The following MTHFS variants were observed in gnomAD, a reference collection of about 807,000 sequenced individuals.
The protein encoded by MTHFS is 5-formyltetrahydrofolate cyclo-ligase.
MTHFS carries 7 observed loss-of-function variants against 12.7 expected under a neutral mutation model. The ratio of observed to expected loss-of-function variants is 0.55; its 90% CI spans 0.31 to 1.03. MTHFS has a LOEUF of 1.03. Ranked by LOEUF, MTHFS falls within the 50% of genes least tolerant of loss-of-function variation. The pLI is 0.05. For synonymous variants in MTHFS, 100 were observed against 97.1 expected (o/e 1.03, Z -0.18); for missense variants, 252 against 258.1 (o/e 0.98, Z 0.16).
chr15:79,889,479 G>T lies in MTHFS; in HGVS notation c.118-125C>A, dbSNP rs556276409. On this transcript the variant is annotated intron_variant, in intron 1 of 2. Coordinates refer to ENST00000258874, the MANE Select transcript of MTHFS (RefSeq NM_006441.4). ...AATATTAAAAAGAAAAAAAAAGGGG[G>T]GGGGACCAGAGTGATATAGTGGGTC... 65 of 1,378,714 alleles carry T rather than the reference G, an allele frequency of 4.7e-5. 2 individuals are homozygous for T. The East Asian group carries it at 7.7e-4, about 16-fold the overall frequency. The allele number at this position is 1,378,714 out of a possible 1,614,324, so 85.4% of individuals were successfully genotyped here.
intron 2 of MTHFS, among the ~76,000 whole-genome samples, chr15:79,846,028 A>G (rs1281489811): frequency 6.6e-6 from 1 of 152,216 alleles, no homozygotes; most frequent in African/African-American, 2.4e-5. Context: ...GAAAGGTACA[A>G]GATGGGGACC....
At chr15:79,886,600 T>C (rs1417396987) in intron 2 of MTHFS, among the ~76,000 whole-genome samples, 1 of 152,218 alleles carries the variant, frequency 6.6e-6, no homozygotes, top group Non-Finnish European at 1.5e-5. Context: ...GGTGGACGTT[T>C]TTCTATTCAG....
At chr15:79,857,251 G>A (rs920940473) in intron 2 of MTHFS, among the ~76,000 whole-genome samples, 2 of 152,004 alleles carry the variant, frequency 1.3e-5, no homozygotes, top group Non-Finnish European at 1.5e-5. Context: ...CACTCACCTC[G>A]GCCTCCCAAA....
intron 2 of MTHFS, among the ~76,000 whole-genome samples, chr15:79,881,301 A>G (rs2034290824): frequency 6.6e-6 from 1 of 152,250 alleles, no homozygotes; most frequent in Admixed American, 6.5e-5. Flanking sequence ...TGAGTAGAAC[A>G]TTTAGCAGGC....
chr15:79,848,250 A>G (rs75206864), intron 2 of MTHFS, among the ~76,000 whole-genome samples: 1 of 152,368 alleles, frequency 6.6e-6, no homozygotes, highest in East Asian at 1.9e-4. Context: ...AGCCACAAAA[A>G]GACAAATACT....
rs542844245 is a variant in MTHFS at position 79,867,905 on chromosome 15, G to A, written c.379+21188C>T. 4.6e-5 allele frequency among the ~76,000 whole-genome samples: 7 copies of A among 152,328 alleles called. No individual in the cohort carries two copies. The South Asian group carries it at 1.4e-3, about 32-fold the overall frequency. ...GGATCATAGAAGAATGCACACTGTA[G>A]CTTTGAGTGGAGTGTGTGTGTGAGA... On this transcript the variant is annotated intron_variant, in intron 2 of 2. Transcript: ENST00000258874.
At chr15:79,886,825 C>T (rs2034390476) in intron 2 of MTHFS, among the ~76,000 whole-genome samples, 2 of 152,052 alleles carry the variant, frequency 1.3e-5, no homozygotes, top group African/African-American at 2.4e-5. Context: ...TGAAAATTAC[C>T]GAAATGTTAA....
intron 2 of MTHFS, among the ~76,000 whole-genome samples, chr15:79,852,244 C>G (rs1296915102): frequency 6.6e-6 from 1 of 152,170 alleles, no homozygotes; most frequent in Non-Finnish European, 1.5e-5. Context: ...TTAGAAAGAA[C>G]AGACTGAAGC....
intron 1 of MTHFS, among the ~76,000 whole-genome samples, chr15:79,896,100 G>A (rs939950031): frequency 6.6e-6 from 1 of 152,230 alleles, no homozygotes; most frequent in Non-Finnish European, 1.5e-5. Context: ...TGAAAGTAAT[G>A]AAACAGAGGT....
intron 2 of MTHFS, among the ~76,000 whole-genome samples, chr15:79,864,930 AAAC>A (rs1352578973): frequency 6.6e-6 from 1 of 152,214 alleles, no homozygotes; most frequent in Non-Finnish European, 1.5e-5. Context: ...GCAGTTTTTT[AAAC>A]AACAAAAACT....
chr15:79,853,369 A>C (rs1275930980), intron 2 of MTHFS, among the ~76,000 whole-genome samples: 1 of 152,158 alleles, frequency 6.6e-6, no homozygotes, highest in Non-Finnish European at 1.5e-5. Flanking sequence ...TTTTACAGAG[A>C]CTGCCCAGGT....
chr15:79,891,198 G>A (rs1404745758), intron 1 of MTHFS, among the ~76,000 whole-genome samples: 1 of 152,156 alleles, frequency 6.6e-6, no homozygotes, highest in East Asian at 1.9e-4. Context: ...AGGTCAGGCA[G>A]AATCCACTCC....
At chr15:79,871,793 C>T (rs895251980) in intron 2 of MTHFS, among the ~76,000 whole-genome samples, 1 of 152,030 alleles carries the variant, frequency 6.6e-6, no homozygotes, top group Non-Finnish European at 1.5e-5. Flanking sequence ...ATGCTGACTT[C>T]AAATGCTATT....
At chr15:79,857,323 C>T (rs1014489827) in intron 2 of MTHFS, among the ~76,000 whole-genome samples, 1 of 152,064 alleles carries the variant, frequency 6.6e-6, no homozygotes, top group South Asian at 2.1e-4. Context: ...AATTATTGCA[C>T]AGTATGATTT....
At chr15:79,870,306 T>C (rs2034080615) in intron 2 of MTHFS, among the ~76,000 whole-genome samples, 1 of 152,204 alleles carries the variant, frequency 6.6e-6, no homozygotes, top group African/African-American at 2.4e-5. Flanking sequence ...ACACTGTCTG[T>C]TTTGGTACCG....
intron 2 of MTHFS, among the ~76,000 whole-genome samples, chr15:79,880,791 C>CCA (rs768790450): frequency 1.9e-5 from 2 of 106,744 alleles, no homozygotes; most frequent in Non-Finnish European, 4.0e-5. Context: ...AGTAGTAAAG[C>CCA]AAAAAAAAAA....
At chr15:79,858,031 A>C (rs959846701) in intron 2 of MTHFS, among the ~76,000 whole-genome samples, 16 of 151,262 alleles carry the variant, frequency 1.1e-4, no homozygotes, top group Admixed American at 4.6e-4. Context: ...AAAAAAAAAA[A>C]AAAACATAAT....
Position 79,844,850 on chromosome 15 carries a change from T to C in MTHFS, c.*360A>G, listed in dbSNP as rs780029763. On this transcript the variant is annotated 3_prime_UTR_variant, in exon 3 of 3. Transcript: ENST00000258874. The stretch of plus-strand genomic sequence containing the variant: ...ACAGACCAGGTCATGAAAGGCGTAA[T>C]GAAATACAGTGCCCACTCCCGCAAG... 7.1e-5 allele frequency: 19 copies of C among 268,612 alleles called. No homozygotes were observed. Among genetic ancestry groups the C allele is most frequent in the South Asian group, 1.7e-4 (4 of 23,104 alleles). 16.6% of individuals were successfully genotyped at this position (268,612 alleles called of 1,614,324 possible). A position where few individuals can be genotyped will look rare whatever the true frequency, so the allele number is the denominator to read the frequency against.
chr15:79,877,826 G>T (rs991747283), intron 2 of MTHFS: 1 of 152,044 alleles, frequency 6.6e-6, no homozygotes, highest in Admixed American at 6.6e-5. Context: ...CAGAAACAAT[G>T]GAGGCCACAA....
Sources: gnomAD v4.1 joint callset for allele counts (sites outside exome capture counted in the v4.1 genomes callset) on GRCh38, gnomAD v4.1.1 for gene constraint, MANE v1.5 for transcripts, NCBI Gene and HGNC (gene_info 2026-07-23, HGNC 2026-07-21) for gene names.